The following VPS13B variants were observed in gnomAD, a reference collection of about 807,000 sequenced individuals.
The protein encoded by VPS13B is vacuolar protein sorting 13 homolog B.
A neutral mutation model predicts 426.4 loss-of-function variants in VPS13B; 285 were observed. The observed-to-expected ratio is 0.67, with a 90% CI of 0.61 to 0.74. The LOEUF is 0.74. Among genes scored for constraint, VPS13B ranks in the 30% least tolerant of loss-of-function variants. The pLI, the probability that VPS13B is intolerant of heterozygous loss-of-function variation, is 0.00. For synonymous variants in VPS13B, 1,676 were observed against 1,676.4 expected (o/e 1.00, Z 0.01); for missense variants, 4,537 against 4,782.6 (o/e 0.95, Z 1.51).
At chr8:99,739,607 A>C (rs1013748002) in intron 39 of VPS13B, among the ~76,000 whole-genome samples, 23 of 152,224 alleles carry the variant, frequency 1.5e-4, no homozygotes, top group African/African-American at 5.1e-4. Context: ...ACGGCCAGGT[A>C]CTCCTCTGAG....
At chr8:99,539,071 G>T (rs1016616449) in intron 30 of VPS13B, among the ~76,000 whole-genome samples, 1 of 151,916 alleles carries the variant, frequency 6.6e-6, no homozygotes, top group Non-Finnish European at 1.5e-5. Context: ...AGCTATTGTC[G>T]TCATAGCTTA....
Position 99,861,861 on chromosome 8 carries a change from G to A in VPS13B, c.11130G>A (p.Arg3710=). The change falls in exon 58 of 62, where the codon CGG becomes CGA. Residue 3710 remains arginine, a synonymous_variant. Coordinates refer to ENST00000357162, the MANE Select transcript of VPS13B (RefSeq NM_152564.5). Reference sequence around the variant, plus strand: ...CACTGGATGAGGAGCACTACAACCGGCAGGAGGAGTGGCGGCGGCAGCTCC... The same window carrying A: ...CACTGGATGAGGAGCACTACAACCGACAGGAGGAGTGGCGGCGGCAGCTCC... The part of the protein sequence containing the change: ...RLSLDEEHYN[R]QEEWRRQLPE... 1 of 1,601,922 alleles carries A rather than the reference G, an allele frequency of 6.2e-7. No individual in the cohort carries two copies. The highest frequency in any genetic ancestry group is 2.3e-5 in the East Asian group (1 of 44,442).
At chr8:99,858,483 C>T (rs1044210752) in intron 56 of VPS13B, among the ~76,000 whole-genome samples, 2 of 152,276 alleles carry the variant, frequency 1.3e-5, no homozygotes, top group East Asian at 3.9e-4. Context: ...TCACAGAGTT[C>T]AAGACCAGCC....
rs1329156934 is a variant in VPS13B, at chr8:99,233,803, G to C, written c.2516-40395G>C. On this transcript the variant is annotated intron_variant, in intron 17 of 61. Transcript: ENST00000357162. The stretch of plus-strand genomic sequence containing the variant: ...TCAGTCTTCCAAACAAGCCATTGTG[G>C]GCCACGATTTTCAGAGGAATCTCTT... 1.3e-5 allele frequency: 10 copies of C among 778,582 alleles called. No individual in the cohort carries two copies. In the East Asian group the frequency reaches 2.4e-4, roughly 19 times the overall value. 48.2% of individuals were successfully genotyped at this position (778,582 alleles called of 1,614,324 possible).
At chr8:99,529,955 A>G (rs1822844847) in intron 30 of VPS13B, among the ~76,000 whole-genome samples, 1 of 152,196 alleles carries the variant, frequency 6.6e-6, no homozygotes, top group African/African-American at 2.4e-5. Context: ...TTCAAGTTAA[A>G]TATTTTGTCT....
chr8:99,679,107 T>C (rs1337639123), intron 35 of VPS13B, among the ~76,000 whole-genome samples: 1 of 152,206 alleles, frequency 6.6e-6, no homozygotes, highest in African/African-American at 2.4e-5. Context: ...CTAAGTCTTG[T>C]TTTCTTCTGG....
intron 51 of VPS13B, among the ~76,000 whole-genome samples, chr8:99,830,336 G>A (rs12675501): frequency 1.2e-3 from 183 of 152,292 alleles, no homozygotes; most frequent in African/African-American, 3.6e-3. Context: ...TGGCTACAGC[G>A]GCTTTGCGGG....
At chr8:99,586,821 TAGAAA>T (rs753792387) in intron 33 of VPS13B, among the ~76,000 whole-genome samples, 10 of 152,182 alleles carry the variant, frequency 6.6e-5, no homozygotes, top group East Asian at 1.9e-4. Context: ...TTCCCAGAAT[TAGAAA>T]AGAAAACTAT....
At chr8:99,083,372 T>A (rs1403693044) in intron 3 of VPS13B, among the ~76,000 whole-genome samples, 1 of 152,158 alleles carries the variant, frequency 6.6e-6, no homozygotes, top group African/African-American at 2.4e-5. Flanking sequence ...ACGATGGGGT[T>A]TTCTAGATAT....
At chr8:99,684,857 G>A (rs1461027892) in intron 35 of VPS13B, among the ~76,000 whole-genome samples, 1 of 152,206 alleles carries the variant, frequency 6.6e-6, no homozygotes, top group African/African-American at 2.4e-5. Flanking sequence ...AGGCTGGAGT[G>A]CAGTGGCACG....
intron 43 of VPS13B, among the ~76,000 whole-genome samples, chr8:99,808,796 C>CA (rs771016121): frequency 0.014 from 1,772 of 128,374 alleles, 17 homozygotes; most frequent in Admixed American, 0.025. Context: ...AAGTACATAA[C>CA]AAAAAAAAAA....
chr8:99,507,944 T>G (rs1821587241), intron 28 of VPS13B: 1 of 1,613,642 alleles, frequency 6.2e-7, no homozygotes, highest in Non-Finnish European at 8.5e-7. Flanking sequence ...GCTACACAAC[T>G]CCCATTAACA....
intron 33 of VPS13B, among the ~76,000 whole-genome samples, chr8:99,603,821 A>G (rs1278604695): frequency 6.6e-6 from 1 of 152,216 alleles, no homozygotes; most frequent in African/African-American, 2.4e-5. Flanking sequence ...TATTTGAAAC[A>G]TGCCCATTTG....
chr8:99,703,248 TC>T (rs1832358309), intron 36 of VPS13B, among the ~76,000 whole-genome samples: 1 of 152,192 alleles, frequency 6.6e-6, no homozygotes. Context: ...ACCAAAAATA[TC>T]TACCAGTTCT....
chr8:99,442,656 C>G, intron 23 of VPS13B, 21 bp downstream of exon 23: 1 of 1,606,086 alleles, frequency 6.2e-7, no homozygotes. Flanking sequence ...ACATTTTTTT[C>G]CTATGGTTAA....
At chr8:99,075,269 T>C (rs987742445) in intron 3 of VPS13B, among the ~76,000 whole-genome samples, 1 of 152,204 alleles carries the variant, frequency 6.6e-6, no homozygotes, top group Non-Finnish European at 1.5e-5. Context: ...TGTATAGTCA[T>C]GTAGCCGGCA....
intron 3 of VPS13B, among the ~76,000 whole-genome samples, chr8:99,075,147 CT>C (rs1237514502): frequency 1.3e-5 from 2 of 152,084 alleles, no homozygotes; most frequent in African/African-American, 4.8e-5. Flanking sequence ...CTCATTGAAT[CT>C]TGTTACACAT....
At chr8:99,807,335 A>T (rs1813452066) in intron 43 of VPS13B, among the ~76,000 whole-genome samples, 2 of 152,174 alleles carry the variant, frequency 1.3e-5, no homozygotes. Flanking sequence ...TTAAAATTAC[A>T]TTGTGTACAT....
chr8:99,817,488 C>T lies in VPS13B; in HGVS notation c.8098-52C>T, dbSNP rs1162031622. ...CTCTGTTTGAATGATAACATATTTC[C>T]AGTTAATGAAGTCTGAATTGATGAA... On this transcript the variant is annotated intron_variant, in intron 44 of 61. Transcript: ENST00000357162. The T allele has an allele frequency of 5.6e-6, 9 of 1,597,836 alleles. No individual in the cohort carries two copies. In the Admixed American group the frequency reaches 1.3e-4, roughly 24 times the overall value.
Sources: allele counts gnomAD v4.1 joint callset (sites outside exome capture counted in the v4.1 genomes callset), GRCh38; gene constraint gnomAD v4.1.1; transcripts MANE v1.5; gene names NCBI Gene and HGNC (gene_info 2026-07-23, HGNC 2026-07-21).